SRGAP3: variants seen among roughly 807,000 people sequenced by gnomAD.
SRGAP3 encodes SLIT-ROBO Rho GTPase-activating protein 3.
In SRGAP3, 39 loss-of-function variants were observed where a neutral mutation model predicts 121.1. The ratio of observed to expected loss-of-function variants is 0.32; its 90% CI spans 0.25 to 0.42. The LOEUF is 0.42. Ranked by LOEUF, SRGAP3 falls within the 10% of genes least tolerant of loss-of-function variation. The pLI is 1.00. For missense variants in SRGAP3, 1,213 were observed against 1,470.6 expected (o/e 0.82, Z 2.86); for synonymous variants, 601 against 570.0 (o/e 1.05, Z -0.77).
At chr3:9,197,654 G>A (rs1158608095) in intron 1 of SRGAP3, among the ~76,000 whole-genome samples, 1 of 152,194 alleles carries the variant, frequency 6.6e-6, no homozygotes, top group Non-Finnish European at 1.5e-5. Flanking sequence ...GTTGTGAGTG[G>A]CTCTGAAACC....
At position 9,041,094 on chromosome 3, in the gene SRGAP3, A is replaced by C. The variant is rs116509761; in HGVS notation, c.1409-3004T>G. Among the ~76,000 whole-genome samples the C allele has an allele frequency of 2.3e-3, 355 of 152,392 alleles. 1 individual carries two copies. Among genetic ancestry groups the C allele is most frequent in the African/African-American group, 7.9e-3 (328 of 41,602 alleles). On this transcript the variant is annotated intron_variant, in intron 10 of 21. Coordinates refer to ENST00000383836, the MANE Select transcript of SRGAP3 (RefSeq NM_014850.4). Reference sequence around the variant, plus strand: ...CCAAATGAGTCAATAAGCAGATTACACGATAGTGTAATAAGTGCTGCAGCA... The same window carrying C: ...CCAAATGAGTCAATAAGCAGATTACCCGATAGTGTAATAAGTGCTGCAGCA...
At chr3:9,310,055 G>T (rs1955216906) in intron 3 of SRGAP3, among the ~76,000 whole-genome samples, 1 of 152,148 alleles carries the variant, frequency 6.6e-6, no homozygotes, top group Non-Finnish European at 1.5e-5. Flanking sequence ...ACTCACCATA[G>T]CATGTTTGAT....
intron 13 of SRGAP3, among the ~76,000 whole-genome samples, chr3:9,025,964 T>C (rs1944178563): frequency 6.6e-6 from 1 of 152,232 alleles, no homozygotes. Flanking sequence ...GGTTTGTATA[T>C]AGTATATCCT....
At chr3:9,172,799 T>C (rs554041928) in intron 1 of SRGAP3, among the ~76,000 whole-genome samples, 4 of 150,858 alleles carry the variant, frequency 2.7e-5, no homozygotes, top group Admixed American at 2.6e-4. Context: ...AGCTGGGGAG[T>C]GAGAAGGGCA....
chr3:9,351,985 C>G (rs2030191780), intron 1 of SRGAP3, among the ~76,000 whole-genome samples: 1 of 152,140 alleles, frequency 6.6e-6, no homozygotes, highest in South Asian at 2.1e-4. Context: ...GCTGGGAATT[C>G]CCCAGTTGAC....
rs1229751928 is a variant in SRGAP3 at position 8,990,780 on chromosome 3, T to G, written c.2618A>C (p.His873Pro). 1 of 1,599,994 alleles carries G rather than the reference T, an allele frequency of 6.3e-7. No homozygotes were observed. The highest frequency in any genetic ancestry group is 1.7e-4 in the Middle Eastern group (1 of 6,002). ...IPRRRSGGDT[H>P]SPPRGLGPSI... is the part of the protein sequence containing the mutation. ...GGGGCCCAGGCCCCGGGGCGGGCTG[T>G]GTGTGTCGCCCCCGCTTCGGCGTCT... is the stretch of plus-strand genomic sequence containing the variant. Residue 873 changes from histidine to proline, a missense_variant, in exon 21 of 22, where the codon CAC becomes CCC. Physicochemically the swap from His to Pro is moderately conservative, Grantham distance 77. Around this residue, in one of 2 missense-constraint regions of SRGAP3, gnomAD observed 420 missense variants for 437.7 expected, o/e 0.96. Coordinates refer to ENST00000383836, the MANE Select transcript of SRGAP3 (RefSeq NM_014850.4).
intron 2 of SRGAP3, among the ~76,000 whole-genome samples, chr3:9,110,694 C>T (rs192764642): frequency 1.3e-5 from 2 of 152,378 alleles, no homozygotes; most frequent in Admixed American, 1.3e-4. Flanking sequence ...GGTCTGCACC[C>T]CCACCTTCTC....
chr3:9,020,039 C>T (rs1360830782), intron 14 of SRGAP3, among the ~76,000 whole-genome samples: 1 of 152,218 alleles, frequency 6.6e-6, no homozygotes, highest in East Asian at 1.9e-4. Flanking sequence ...CTTACAACAG[C>T]ATTGCATGTC....
At position 9,104,861 on chromosome 3, in the gene SRGAP3, C is replaced by T; in HGVS notation, c.261-19G>A. The T allele has an allele frequency of 6.2e-7, 1 of 1,614,054 alleles. No individual in the cohort carries two copies. Among genetic ancestry groups the T allele is most frequent in the Non-Finnish European group, 8.5e-7 (1 of 1,179,946 alleles). ...GTCCTTCCTGTGGAAACCAAGAAAG[C>T]TCAGGTTGGCTACATTGGAACTGTC... On this transcript the variant is annotated intron_variant, in intron 2 of 21. Transcript: ENST00000383836.
chr3:9,303,977 G>A (rs78621405), intron 3 of SRGAP3, among the ~76,000 whole-genome samples: 6,269 of 152,186 alleles, frequency 0.041, 218 homozygotes, highest in African/African-American at 0.097. Flanking sequence ...AGTGTACAAC[G>A]GGGGAAATCT....
At chr3:8,994,071 T>A (rs538856993) in intron 19 of SRGAP3, 15 of 483,828 alleles carry the variant, frequency 3.1e-5, no homozygotes, top group South Asian at 3.1e-4. Flanking sequence ...TGGTGGGTGA[T>A]GGCACTCCCT....
Position 9,082,804 on chromosome 3 carries a change from T to C in SRGAP3, c.424-2717A>G, listed in dbSNP as rs938178415. On this transcript the variant is annotated intron_variant, in intron 3 of 21. Transcript: ENST00000383836. ...AGCTCATGAAGGCTTAATATCAGAA[T>C]GATGCCTTCTCAGGCTCCTTCTCCT... is the stretch of plus-strand genomic sequence containing the variant. Among the ~76,000 whole-genome samples the C allele has an allele frequency of 5.1e-4, 77 of 152,212 alleles. 1 individual carries two copies. The highest frequency in any genetic ancestry group is 6.5e-4 in the Non-Finnish European group (44 of 68,038).
chr3:9,236,215 T>A (rs1186668523), intron 1 of SRGAP3: 1 of 177,454 alleles, frequency 5.6e-6, no homozygotes, highest in African/African-American at 2.4e-5. Flanking sequence ...AGAGCTTCTA[T>A]TCATCCTTCA....
chr3:9,003,020 A>C (rs2124989156), intron 18 of SRGAP3, among the ~76,000 whole-genome samples: 1 of 152,322 alleles, frequency 6.6e-6, no homozygotes, highest in Non-Finnish European at 1.5e-5. Flanking sequence ...AAGAATTAGT[A>C]ATAATTCCTT....
Position 9,165,308 on chromosome 3 carries a change from G to A in SRGAP3, c.68-40391C>T, listed in dbSNP as rs746349734. ...CAGGCAGCCATGGGGCCCTTCCCAG[G>A]GAAGGCCCCAGCACAAGCCTCATGT... On this transcript the variant is annotated intron_variant, in intron 1 of 21. Transcript: ENST00000383836. Among the ~76,000 whole-genome samples, 59 of 152,278 alleles carry A rather than the reference G, an allele frequency of 3.9e-4. 1 individual carries two copies. The highest frequency in any genetic ancestry group is 1.2e-3 in the Admixed American group (18 of 15,308).
intron 1 of SRGAP3, among the ~76,000 whole-genome samples, chr3:9,243,685 G>A (rs868701028): frequency 2.3e-4 from 34 of 150,452 alleles, no homozygotes; most frequent in Middle Eastern, 3.5e-3. Flanking sequence ...CTGGTTTTTT[G>A]CGTTTATAAG....
chr3:9,145,023 AAGTT>A (rs1949977089), intron 1 of SRGAP3, among the ~76,000 whole-genome samples: 1 of 152,154 alleles, frequency 6.6e-6, no homozygotes, highest in African/African-American at 2.4e-5. Context: ...TCTTTTCTCT[AAGTT>A]AGTAACTTTA....
intron 3 of SRGAP3, among the ~76,000 whole-genome samples, chr3:9,299,707 C>T (rs1470308486): frequency 6.6e-6 from 1 of 151,992 alleles, no homozygotes; most frequent in Non-Finnish European, 1.5e-5. Flanking sequence ...CTTAGGAGTT[C>T]GAGACCAGCC....
At chr3:9,247,935 G>A (rs529267509) in intron 1 of SRGAP3, among the ~76,000 whole-genome samples, 2 of 152,368 alleles carry the variant, frequency 1.3e-5, no homozygotes, top group South Asian at 2.1e-4. Context: ...TGTAGGGGTG[G>A]GAGAAGCCCC....
Sources: allele counts gnomAD v4.1 joint callset (sites outside exome capture counted in the v4.1 genomes callset), GRCh38; gene constraint gnomAD v4.1.1; regional missense constraint gnomAD v4.1.1; transcripts MANE v1.5; gene names NCBI Gene and HGNC (gene_info 2026-07-23, HGNC 2026-07-21).